ITGB4: variants seen among roughly 807,000 people sequenced by gnomAD.
The protein encoded by ITGB4 is integrin subunit beta 4.
ITGB4 carries 159 observed loss-of-function variants against 207.6 expected under a neutral mutation model. The observed-to-expected ratio is 0.77, with a 90% CI of 0.67 to 0.87. ITGB4 has a LOEUF of 0.87. Among genes scored for constraint, ITGB4 ranks in the 40% least tolerant of loss-of-function variants. The pLI, the probability that ITGB4 is intolerant of heterozygous loss-of-function variation, is 0.00. For synonymous variants in ITGB4, 1,020 were observed against 1,062.7 expected, an observed-to-expected ratio of 0.96 and a Z score of 0.78; for missense variants, 2,278 against 2,546.8, an observed-to-expected ratio of 0.89 and a Z score of 2.27.
chr17:75,750,113 G>T lies in ITGB4; in HGVS notation c.3319G>T (p.Glu1107Ter). ...CCGGCCCCAACCTGACCCGTTAGAT[G>T]AACTGGACCGGAGCTTCACGAGTCA... ...STTIIIRDPDELDRSFTSQML... is the reference protein window; with the variant it reads ...STTIIIRDPD The change falls in exon 28 of 40, where the codon GAA becomes TAA. Residue 1107 changes from glutamate to a stop codon, truncating the protein, a stop_gained and splice_region_variant. Transcript: ENST00000200181. LOFTEE classifies it high-confidence loss of function. The surrounding 1 kb of genome is among the most constrained non-coding windows in gnomAD (Gnocchi z 5.5). 6.2e-7 allele frequency: 1 copy of T among 1,613,614 alleles called. No individual in the cohort carries two copies. Among genetic ancestry groups the T allele is most frequent in the Non-Finnish European group, 8.5e-7 (1 of 1,180,006 alleles).
Position 75,756,850 on chromosome 17 carries a change from C to T in ITGB4, c.5044C>T (p.Gln1682Ter), listed in dbSNP as rs781327284. Residue 1682 changes from glutamine (Q) to a stop codon, truncating the protein, a stop_gained, in exon 37 of 40, where the codon CAA becomes TAA. Transcript: ENST00000200181. LOFTEE classifies it high-confidence loss of function. ...CTACCTGGTGACCTGTGAGATGGCCCAAGGAGGAGGTGCTGCCCACCCCGG... is the reference window on the plus strand; with the variant it reads ...CTACCTGGTGACCTGTGAGATGGCCTAAGGAGGAGGTGCTGCCCACCCCGG... Reference protein sequence around the residue: ...VGYLVTCEMAQGGGPATAFRV... With the variant: ...VGYLVTCEMA 2 of 1,612,296 alleles carry T rather than the reference C, an allele frequency of 1.2e-6. No homozygotes were observed. Among genetic ancestry groups the T allele is most frequent in the Non-Finnish European group, 1.7e-6 (2 of 1,179,958 alleles).
At chr17:75,755,532 C>T (rs998999664) in intron 34 of ITGB4, among the ~76,000 whole-genome samples, 169 bp from the exon 35 acceptor site, 14 of 152,126 alleles carry the variant, frequency 9.2e-5, no homozygotes, top group South Asian at 6.2e-4. Context: ...GGAGGATGTG[C>T]GGTAGGTGCT....
At position 75,755,849 on chromosome 17, in the gene ITGB4, C is replaced by G; in HGVS notation, c.4707C>G (p.Gly1569=). Reference sequence around the variant, plus strand: ...GTGTGGAGTACCAGCTGCTGAACGGCGGTGAGGCATGGTGGCTGCCAGGCT... The same window carrying G: ...GTGTGGAGTACCAGCTGCTGAACGGGGGTGAGGCATGGTGGCTGCCAGGCT... ...GYSVEYQLLN[G]GELHRLNIPN... Residue 1569 remains glycine (G), a splice_region_variant and synonymous_variant, in exon 35 of 40, where the codon GGC becomes GGG. Coordinates refer to ENST00000200181, the MANE Select transcript of ITGB4 (RefSeq NM_000213.5). 6.2e-7 allele frequency: 1 copy of G among 1,603,026 alleles called. No homozygotes were observed. The highest frequency in any genetic ancestry group is 8.5e-7 in the Non-Finnish European group (1 of 1,179,588).
intron 23 of ITGB4, chr17:75,741,236 A>G: frequency 1.6e-6 from 1 of 625,438 alleles, no homozygotes; most frequent in Admixed American, 2.4e-5. Context: ...AAAGCAAATC[A>G]ACCCAGTCCC....
intron 23 of ITGB4, 154 bp downstream of exon 23, chr17:75,741,159 A>G (rs1191185533): frequency 1.2e-6 from 1 of 862,884 alleles, no homozygotes; most frequent in African/African-American, 1.7e-5. Flanking sequence ...CGTTCCTTTG[A>G]CCATTTCTTC....
intron 8 of ITGB4, 73 bp downstream of exon 8, chr17:75,730,577 C>A: frequency 2.2e-6 from 2 of 927,574 alleles, no homozygotes; most frequent in Non-Finnish European, 3.2e-6. Flanking sequence ...GACACCTCTC[C>A]CTCCCTCCCT....
chr17:75,753,712 G>T, intron 32 of ITGB4, 53 bp from the exon 33 acceptor site: 1 of 1,256,438 alleles, frequency 8.0e-7, no homozygotes, highest in South Asian at 2.3e-5. Context: ...GCCTGGCCCT[G>T]CTCGGCCCGG....
At chr17:75,741,420 C>G (rs1457328971) in intron 23 of ITGB4, among the ~76,000 whole-genome samples, 1 of 152,000 alleles carries the variant, frequency 6.6e-6, no homozygotes, top group Non-Finnish European at 1.5e-5. Context: ...GGTCCTACAT[C>G]GAGTCCTGGC....
Position 75,752,498 on chromosome 17 carries a change from C to T in ITGB4, c.4029C>T (p.Tyr1343=), listed in dbSNP as rs775374916. 10 of 1,613,610 alleles carry T rather than the reference C, an allele frequency of 6.2e-6. No individual in the cohort carries two copies. The highest frequency in any genetic ancestry group is 2.7e-5 in the African/African-American group (2 of 74,928). Residue 1343 remains tyrosine (Y), a synonymous_variant, in exon 32 of 40, where the codon TAC becomes TAT. Transcript: ENST00000200181. ...TGGACGCCCAGAGCGGGGAGGACTA[C>T]GACAGCTTCCTTATGTACAGCGATG... ...PIVDAQSGED[Y]DSFLMYSDDV... is the part of the protein sequence containing the mutation.
At position 75,756,410 on chromosome 17, in the gene ITGB4, C is replaced by T; in HGVS notation, c.4709-19C>T. On this transcript the variant is annotated intron_variant, in intron 35 of 39. Transcript: ENST00000200181. ...GGAGTAACACTGCACTACTGTGTGC[C>T]CCCACCTGATCCCCCCAGGTGAGCT... The T allele has an allele frequency of 6.2e-7, 1 of 1,612,412 alleles. No individual in the cohort carries two copies. Among genetic ancestry groups the T allele is most frequent in the Non-Finnish European group, 8.5e-7 (1 of 1,179,368 alleles).
At chr17:75,751,735 C>T (rs948234626) in intron 30 of ITGB4, 14 of 235,748 alleles carry the variant, frequency 5.9e-5, no homozygotes, top group African/African-American at 2.3e-4. Flanking sequence ...AGCCAGACTC[C>T]GTCTAAAAAT....
rs56375128 is a variant in ITGB4 at position 75,729,158 on chromosome 17, CA to C, written c.567-90del. ...TGGGTGATAAAGCGAGACTTGGTCT[CA>C]AAAAAAAAAAAAAAAATTCTCCTTC... On this transcript the variant is annotated intron_variant, in intron 6 of 39. Transcript: ENST00000200181. The surrounding 1 kb of genome is among the most constrained non-coding windows in gnomAD (Gnocchi z 4.4). The C allele has an allele frequency of 0.24, 189,774 of 774,750 alleles. 5,960 individuals carry two copies. Among genetic ancestry groups the C allele is most frequent in the East Asian group, 0.36 (11,538 of 31,932 alleles). The allele number at this position is 774,750 out of a possible 1,614,324, so 48.0% of individuals were successfully genotyped here.
In ITGB4 at chr17:75,757,366, G is replaced by A. The variant is rs139796235; in HGVS notation, c.5330-50G>A. The A allele has an allele frequency of 1.3e-4, 211 of 1,612,888 alleles. 1 individual carries two copies. The East Asian group carries it at 4.6e-3, about 35-fold the overall frequency. On this transcript the variant is annotated intron_variant, in intron 39 of 39. Transcript: ENST00000200181. ...CTCCTGGGACAGGGAGCTAGCAGAG[G>A]GAGAAGGGCAGACCCCAAGCCAGGT...
intron 35 of ITGB4, among the ~76,000 whole-genome samples, 174 bp from the exon 36 acceptor site, chr17:75,756,255 T>C (rs1359062006): frequency 6.6e-6 from 1 of 152,088 alleles, no homozygotes; most frequent in African/African-American, 2.4e-5. Flanking sequence ...CACTCTTGTA[T>C]AGTACACAAT....
At chr17:75,757,337 G>A (rs371796296) in intron 39 of ITGB4, 27 bp downstream of exon 39, 91 of 1,612,362 alleles carry the variant, frequency 5.6e-5, no homozygotes, top group Middle Eastern at 1.6e-4. Flanking sequence ...AGGGGATCCC[G>A]GCTCTCCTGG....
chr17:75,736,250 G>A, intron 14 of ITGB4, 38 bp from the exon 15 acceptor site: 1 of 1,605,218 alleles, frequency 6.2e-7, no homozygotes, highest in South Asian at 1.1e-5. Context: ...GGCAGGGATG[G>A]GGCACAGCTG....
chr17:75,724,871 C>A, intron 2 of ITGB4, 89 bp downstream of exon 2: 1 of 1,108,828 alleles, frequency 9.0e-7, no homozygotes. Flanking sequence ...CGGTGTCTCA[C>A]CTAAACACGC....
intron 18 of ITGB4, among the ~76,000 whole-genome samples, chr17:75,738,594 G>GCAC (rs1284835735): frequency 6.6e-6 from 1 of 152,122 alleles, no homozygotes; most frequent in Non-Finnish European, 1.5e-5. Flanking sequence ...ATCCCTGAGA[G>GCAC]CACCTGCTCT....
rs762384357 is a variant in ITGB4, at chr17:75,732,118, G to T, written c.1378-45G>T. 2 of 1,611,176 alleles carry T rather than the reference G, an allele frequency of 1.2e-6. No individual in the cohort carries two copies. Among genetic ancestry groups the T allele is most frequent in the Non-Finnish European group, 8.5e-7 (1 of 1,177,634 alleles). On this transcript the variant is annotated intron_variant, in intron 11 of 39. Coordinates refer to ENST00000200181, the MANE Select transcript of ITGB4 (RefSeq NM_000213.5). This position sits in a 1 kb window ranked among gnomAD's most constrained non-coding sequence, Gnocchi z 5.3. ...AGAGCGGAAGTGTCCAGTGGCCCCG[G>T]TCCTGCTCCCCCGACGCACCCCACC...
Sources: gnomAD v4.1 joint callset for allele counts (sites outside exome capture counted in the v4.1 genomes callset) on GRCh38, gnomAD v4.1.1 for gene constraint, Gnocchi (gnomAD v3.1) non-coding constraint, MANE v1.5 for transcripts, NCBI Gene and HGNC (gene_info 2026-07-23, HGNC 2026-07-21) for gene names.